Variants in KDM2B observed in about 807,000 individuals in gnomAD.
The protein encoded by KDM2B is lysine-specific demethylase 2B.
In KDM2B, 26 loss-of-function variants were observed where a neutral mutation model predicts 150.0. The observed-to-expected ratio is 0.17, with a 90% CI of 0.13 to 0.24. The LOEUF is 0.24. Among genes scored for constraint, KDM2B ranks in the 10% least tolerant of loss-of-function variants. The probability of loss-of-function intolerance (pLI) is 1.00; values close to 1 mark genes in which losing one functional copy is unlikely to be tolerated. For synonymous variants in KDM2B, 734 were observed against 729.5 expected, an observed-to-expected ratio of 1.01 and a Z score of -0.10; for missense variants, 1,265 against 1,816.9, an observed-to-expected ratio of 0.70 and a Z score of 5.52.
rs1413959731 is a variant in KDM2B, at chr12:121,467,258, G to GCGC, written c.1735-13917_1735-13915dup. On this transcript the variant is annotated intron_variant, in intron 12 of 22. Transcript: ENST00000377071. This position sits in a 1 kb window ranked among gnomAD's most constrained non-coding sequence, Gnocchi z 5.1. ...CGCGCGCGCTGACATGGCTGGAGCGGCGCCGCCGCCGCCGCCCGCCCGGAG... is the reference window on the plus strand; with the variant it reads ...CGCGCGCGCTGACATGGCTGGAGCGGCGCCGCCGCCGCCGCCGCCCGCCCGGAG... 4.1e-5 allele frequency: 41 copies of GCGC among 989,226 alleles called. No individual in the cohort carries two copies. Among genetic ancestry groups the GCGC allele is most frequent in the East Asian group, 1.2e-4 (1 of 8,618 alleles). The allele number at this position is 989,226 out of a possible 1,614,324, so 61.3% of individuals were successfully genotyped here.
intron 8 of KDM2B, 134 bp downstream of exon 8, chr12:121,532,672 A>C (rs1026353006): frequency 1.2e-6 from 1 of 869,110 alleles, no homozygotes; most frequent in Non-Finnish European, 1.8e-6. Context: ...CCTCCAGCCC[A>C]CGGCTGGCTC....
rs561551100 is a variant in KDM2B, at chr12:121,519,752, C to T, written c.1047+1233G>A. Among the ~76,000 whole-genome samples, 9 of 152,126 alleles carry T rather than the reference C, an allele frequency of 5.9e-5. No homozygotes were observed. The South Asian group carries it at 1.2e-3, about 21-fold the overall frequency. ...GATACTAAAACCACTGAATTGTATA[C>T]TTTGAATGGTAAATTTTAGGGTATA... On this transcript the variant is annotated intron_variant, in intron 9 of 22. Coordinates refer to ENST00000377071, the MANE Select transcript of KDM2B (RefSeq NM_032590.5).
chr12:121,441,926 C>G (rs73224261), intron 19 of KDM2B, among the ~76,000 whole-genome samples: 1 of 152,248 alleles, frequency 6.6e-6, no homozygotes, highest in Non-Finnish European at 1.5e-5. Context: ...AAGCCAAGGA[C>G]TCCACGTGGT....
Position 121,509,719 on chromosome 12 carries a change from C to A in KDM2B, c.1495G>T (p.Ala499Ser). Residue 499 changes from alanine (A) to serine (S), a missense_variant, in exon 11 of 23, where the codon GCC (alanine) becomes TCC (serine). By Grantham distance (99) the Ala-to-Ser change is moderately conservative. Around this residue, in one of 11 missense-constraint regions of KDM2B, gnomAD observed 154 missense variants for 162.5 expected, o/e 0.95. Transcript: ENST00000377071. ...GTCCATTTGGCAGAGACCTCCGTGG[C>A]GGGAGAGCCGGTGGGGGTCTTGGGG... ...DYPKTPTGSP[A>S]TEVSAKWTHL... The A allele has an allele frequency of 6.2e-7, 1 of 1,614,096 alleles. No homozygotes were observed. Among genetic ancestry groups the A allele is most frequent in the Non-Finnish European group, 8.5e-7 (1 of 1,180,018 alleles).
chr12:121,574,636 C>T, intron 3 of KDM2B, 43 bp from the exon 4 acceptor site: 1 of 1,595,830 alleles, frequency 6.3e-7, no homozygotes, highest in East Asian at 2.2e-5. Flanking sequence ...AGGCCAGAAA[C>T]AACAGAGCTA....
intron 12 of KDM2B, among the ~76,000 whole-genome samples, chr12:121,491,829 T>C (rs1555299991): frequency 6.9e-6 from 1 of 144,152 alleles, no homozygotes; most frequent in African/African-American, 2.6e-5. Flanking sequence ...CTGAAGAAGA[T>C]AATCAAAGAA....
At chr12:121,456,020 C>A (rs750868813) in intron 12 of KDM2B, among the ~76,000 whole-genome samples, 8 of 152,224 alleles carry the variant, frequency 5.3e-5, no homozygotes, top group Non-Finnish European at 1.0e-4. Flanking sequence ...TCCCTGAGCA[C>A]CCCCATCTGC....
At chr12:121,558,797 G>C (rs1268170889) in intron 4 of KDM2B, among the ~76,000 whole-genome samples, 1 of 152,038 alleles carries the variant, frequency 6.6e-6, no homozygotes, top group Non-Finnish European at 1.5e-5. Flanking sequence ...AGCCATGTTG[G>C]CCAGGATGGT....
In KDM2B at chr12:121,549,680, A is replaced by C. The variant is rs1555311436; in HGVS notation, c.398-42T>G. On this transcript the variant is annotated intron_variant, in intron 4 of 22. Transcript: ENST00000377071. The surrounding 1 kb of genome is among the most constrained non-coding windows in gnomAD (Gnocchi z 4.4). Reference sequence around the variant, plus strand: ...CACACTGGTTGTTCCTGCCGGCTTAAGGCTCCAGATCCTACATGGGAGCCC... The same window carrying C: ...CACACTGGTTGTTCCTGCCGGCTTACGGCTCCAGATCCTACATGGGAGCCC... The C allele has an allele frequency of 3.3e-6, 5 of 1,519,596 alleles. No individual in the cohort carries two copies. Among genetic ancestry groups the C allele is most frequent in the Admixed American group, 1.9e-5 (1 of 51,890 alleles). 94.1% of individuals were successfully genotyped at this position (1,519,596 alleles called of 1,614,324 possible).
At chr12:121,546,611 G>C (rs1889076340) in intron 6 of KDM2B, among the ~76,000 whole-genome samples, 1 of 150,870 alleles carries the variant, frequency 6.6e-6, no homozygotes, top group Non-Finnish European at 1.5e-5. Context: ...CACCATGTTA[G>C]CCAGGATGGT....
intron 12 of KDM2B, among the ~76,000 whole-genome samples, chr12:121,476,308 A>T (rs1881369433): frequency 6.6e-6 from 1 of 151,858 alleles, no homozygotes; most frequent in African/African-American, 2.4e-5. Context: ...AAAAAAAAAA[A>T]TTAGCCGAGC....
chr12:121,506,008 G>A (rs1202719516), intron 11 of KDM2B, among the ~76,000 whole-genome samples: 4 of 151,746 alleles, frequency 2.6e-5, no homozygotes, highest in Non-Finnish European at 5.9e-5. Flanking sequence ...TCGTTTTTTT[G>A]TTTGCTTTTT....
chr12:121,504,018 C>G (rs782120148), intron 11 of KDM2B, among the ~76,000 whole-genome samples: 8 of 152,234 alleles, frequency 5.3e-5, no homozygotes, highest in Non-Finnish European at 8.8e-5. Context: ...GTCCTGAGTT[C>G]TTGTCTTTCC....
At chr12:121,482,187 G>C (rs1033225645) in intron 12 of KDM2B, among the ~76,000 whole-genome samples, 1 of 152,192 alleles carries the variant, frequency 6.6e-6, no homozygotes, top group Non-Finnish European at 1.5e-5. Flanking sequence ...ACGTAGTCTT[G>C]AAGTTCCAGT....
chr12:121,532,677 T>G lies in KDM2B; in HGVS notation c.931+129A>C. ...ACGGCTTTTCCCTCCAGCCCACGGCTGGCTCCCCTCGGGGACTGCCAATGG... is the reference window on the plus strand; with the variant it reads ...ACGGCTTTTCCCTCCAGCCCACGGCGGGCTCCCCTCGGGGACTGCCAATGG... On this transcript the variant is annotated intron_variant, in intron 8 of 22. Transcript: ENST00000377071. 3.3e-6 allele frequency: 3 copies of G among 911,630 alleles called. No individual in the cohort carries two copies. In the South Asian group the frequency reaches 4.8e-5, roughly 14 times the overall value. The allele number at this position is 911,630 out of a possible 1,614,324, so 56.5% of individuals were successfully genotyped here.
chr12:121,467,798 C>T lies in KDM2B; in HGVS notation c.1735-14454G>A, dbSNP rs1880280975. 1 of 152,252 alleles carries T rather than the reference C, an allele frequency of 6.6e-6. No individual in the cohort carries two copies. Among genetic ancestry groups the T allele is most frequent in the African/African-American group, 2.4e-5 (1 of 41,440 alleles). 9.4% of individuals were successfully genotyped at this position (152,252 alleles called of 1,614,324 possible). On this transcript the variant is annotated intron_variant, in intron 12 of 22. Transcript: ENST00000377071. The surrounding 1 kb of genome is among the most constrained non-coding windows in gnomAD (Gnocchi z 5.1). ...TCTGCACCCGACGCCAGGAGCGGGT[C>T]CCCAGGTCCCTTGCAGCAGGCACAC...
At chr12:121,556,323 G>A (rs1018205716) in intron 4 of KDM2B, among the ~76,000 whole-genome samples, 4 of 152,112 alleles carry the variant, frequency 2.6e-5, no homozygotes, top group African/African-American at 4.8e-5. Context: ...CTGGGCTCAA[G>A]CGATCCTCCT....
intron 6 of KDM2B, among the ~76,000 whole-genome samples, chr12:121,538,258 C>G (rs1246953651): frequency 6.6e-6 from 1 of 151,966 alleles, no homozygotes; most frequent in Non-Finnish European, 1.5e-5. Flanking sequence ...GGCTGGCTCT[C>G]CCCACCCCCC....
At chr12:121,576,106 C>A (rs782309888) in intron 2 of KDM2B, among the ~76,000 whole-genome samples, 11 of 152,130 alleles carry the variant, frequency 7.2e-5, no homozygotes, top group Admixed American at 2.6e-4. Context: ...CATGCCCCAC[C>A]GGTCCAAACT....
Sources: allele counts gnomAD v4.1 joint callset (sites outside exome capture counted in the v4.1 genomes callset), GRCh38; gene constraint gnomAD v4.1.1; regional missense constraint gnomAD v4.1.1; non-coding constraint Gnocchi (gnomAD v3.1); transcripts MANE v1.5; gene names NCBI Gene and HGNC (gene_info 2026-07-23, HGNC 2026-07-21).